Variants in CNTN5 observed in about 807,000 individuals in gnomAD.
The protein encoded by CNTN5 is contactin-5.
A neutral mutation model predicts 129.1 loss-of-function variants in CNTN5; 77 were observed. That is an observed-to-expected ratio of 0.60 (90% CI 0.50 to 0.72). The LOEUF is 0.72. Ranked by LOEUF, CNTN5 falls within the 30% of genes least tolerant of loss-of-function variation. CNTN5 has a pLI of 0.00. For missense variants in CNTN5, 1,478 were observed against 1,328.8 expected (o/e 1.11, Z -1.75); for synonymous variants, 509 against 465.6 (o/e 1.09, Z -1.20).
At chr11:99,199,521 C>G (rs1283969502) in intron 1 of CNTN5, among the ~76,000 whole-genome samples, 1 of 152,170 alleles carries the variant, frequency 6.6e-6, no homozygotes, top group Admixed American at 6.5e-5. Flanking sequence ...TTAGCTGGAA[C>G]AGAGCTGATA....
At chr11:99,946,080 T>C (rs549199493) in intron 7 of CNTN5, among the ~76,000 whole-genome samples, 1 of 152,260 alleles carries the variant, frequency 6.6e-6, no homozygotes, top group East Asian at 1.9e-4. Context: ...TCCCCACCAA[T>C]CAGTATCTCT....
At chr11:99,342,571 C>CAATAAA (rs1866563062) in intron 2 of CNTN5, among the ~76,000 whole-genome samples, 1 of 24,492 alleles carries the variant, frequency 4.1e-5, no homozygotes, top group African/African-American at 2.1e-4. Context: ...CCCGTTATCT[C>CAATAAA]AAAAAAAAAA....
chr11:99,179,873 A>T (rs1038049255), intron 1 of CNTN5, among the ~76,000 whole-genome samples: 6 of 152,008 alleles, frequency 3.9e-5, no homozygotes, highest in Non-Finnish European at 8.8e-5. Context: ...TTTAGATAGA[A>T]CTCATATCCT....
chr11:99,155,146 AG>A (rs1250619292), intron 1 of CNTN5, among the ~76,000 whole-genome samples: 1 of 152,178 alleles, frequency 6.6e-6, no homozygotes, highest in Non-Finnish European at 1.5e-5. Flanking sequence ...GCAGGAGGCC[AG>A]GAAGAGTTCC....
chr11:99,351,669 A>G (rs2136083167), intron 2 of CNTN5, among the ~76,000 whole-genome samples: 1 of 152,334 alleles, frequency 6.6e-6, no homozygotes, highest in Non-Finnish European at 1.5e-5. Flanking sequence ...TTCATGATAG[A>G]TTTCCCAAAT....
At chr11:100,285,907 C>G (rs930168712) in intron 18 of CNTN5, among the ~76,000 whole-genome samples, 2 of 152,154 alleles carry the variant, frequency 1.3e-5, no homozygotes, top group Non-Finnish European at 2.9e-5. Flanking sequence ...GCGCACCGTG[C>G]GCGAGCCGAA....
At chr11:99,758,550 A>G (rs936843310) in intron 3 of CNTN5, among the ~76,000 whole-genome samples, 2 of 152,066 alleles carry the variant, frequency 1.3e-5, no homozygotes, top group Non-Finnish European at 2.9e-5. Flanking sequence ...TCTCAGATGA[A>G]TGAGAGATGA....
intron 13 of CNTN5, among the ~76,000 whole-genome samples, chr11:100,155,521 A>G (rs1947209543): frequency 6.6e-6 from 1 of 152,062 alleles, no homozygotes; most frequent in Non-Finnish European, 1.5e-5. Context: ...TTTTGTTCAT[A>G]TGAAATTTAA....
intron 9 of CNTN5, among the ~76,000 whole-genome samples, chr11:100,053,154 C>T (rs1943043382): frequency 6.6e-6 from 1 of 151,568 alleles, no homozygotes; most frequent in Admixed American, 6.6e-5. Context: ...TCTACAAATA[C>T]ATAGAACAAT....
At chr11:99,637,641 TTC>T (rs1951612268) in intron 3 of CNTN5, among the ~76,000 whole-genome samples, 1 of 152,114 alleles carries the variant, frequency 6.6e-6, no homozygotes, top group African/African-American at 2.4e-5. Flanking sequence ...GTTTTTAAAC[TTC>T]TCACGTTTTT....
chr11:99,461,296 C>A (rs529660790), intron 2 of CNTN5, among the ~76,000 whole-genome samples: 1 of 152,018 alleles, frequency 6.6e-6, no homozygotes, highest in African/African-American at 2.4e-5. Context: ...GACATTTTGG[C>A]AGGATAATTC....
chr11:99,855,259 C>G (rs1947997644), intron 6 of CNTN5, among the ~76,000 whole-genome samples: 1 of 152,110 alleles, frequency 6.6e-6, no homozygotes, highest in Non-Finnish European at 1.5e-5. Context: ...GCTATGATCA[C>G]TCTACTGCAC....
intron 9 of CNTN5, among the ~76,000 whole-genome samples, chr11:100,008,716 C>G (rs912463461): frequency 6.6e-6 from 1 of 152,112 alleles, no homozygotes. Context: ...ATTCACTATT[C>G]GCCTTTTTGG....
intron 3 of CNTN5, among the ~76,000 whole-genome samples, chr11:99,594,240 A>T (rs1422012334): frequency 6.6e-6 from 1 of 152,192 alleles, no homozygotes; most frequent in East Asian, 1.9e-4. Flanking sequence ...GCATTGTGGA[A>T]AGTAGTGTTT....
intron 17 of CNTN5, among the ~76,000 whole-genome samples, chr11:100,269,952 C>T (rs142899660): frequency 1.4e-3 from 212 of 152,252 alleles, no homozygotes; most frequent in African/African-American, 4.9e-3. Flanking sequence ...AAGCATAGCT[C>T]GGCATTTCAC....
intron 3 of CNTN5, among the ~76,000 whole-genome samples, chr11:99,659,555 T>C (rs1025003149): frequency 6.6e-6 from 1 of 152,130 alleles, no homozygotes; most frequent in Non-Finnish European, 1.5e-5. Context: ...CTCAGAGGAT[T>C]CTAGGAGCTG....
At chr11:99,766,316 T>C (rs537490624) in intron 3 of CNTN5, among the ~76,000 whole-genome samples, 48 of 152,164 alleles carry the variant, frequency 3.2e-4, no homozygotes, top group Middle Eastern at 3.4e-3. Context: ...ATATTTTGAA[T>C]GAATGAACAA....
intron 18 of CNTN5, among the ~76,000 whole-genome samples, chr11:100,275,205 C>T (rs1269792018): frequency 2.0e-5 from 3 of 152,026 alleles, no homozygotes; most frequent in African/African-American, 7.2e-5. Flanking sequence ...TTTTCTGCTA[C>T]CTTTTCAATA....
chr11:99,041,928 A>G (rs985479923), intron 1 of CNTN5, among the ~76,000 whole-genome samples: 1 of 152,140 alleles, frequency 6.6e-6, no homozygotes, highest in East Asian at 1.9e-4. Context: ...TGTGTTTCCA[A>G]TCTCTATGAC....
Sources: gnomAD v4.1 joint callset for allele counts (sites outside exome capture counted in the v4.1 genomes callset) on GRCh38, gnomAD v4.1.1 for gene constraint, MANE v1.5 for transcripts, NCBI Gene and HGNC (gene_info 2026-07-23, HGNC 2026-07-21) for gene names.